Variants in CFAP54 observed in about 807,000 individuals in gnomAD.
CFAP54 encodes cilia- and flagella-associated protein 54.
In CFAP54, 290 loss-of-function variants were observed where a neutral mutation model predicts 370.4. The observed-to-expected ratio is 0.78, with a 90% CI of 0.71 to 0.86. CFAP54 has a LOEUF of 0.86. Ranked by LOEUF, CFAP54 falls within the 40% of genes least tolerant of loss-of-function variation. The pLI is 0.00. For missense variants in CFAP54, 3,399 were observed against 3,528.7 expected, an observed-to-expected ratio of 0.96 and a Z score of 0.93; for synonymous variants, 1,206 against 1,236.5, an observed-to-expected ratio of 0.98 and a Z score of 0.52.
Position 96,855,193 on chromosome 12 carries a change from C to T in CFAP54, c.9172-5626C>T, listed in dbSNP as rs574023798. On this transcript the variant is annotated intron_variant, in intron 66 of 67. Coordinates refer to ENST00000524981, the MANE Select transcript of CFAP54 (RefSeq NM_001306084.2). ...AACTGCCCCCATGATTAGATTACCT[C>T]CCACCAGGTCCCTCTCATGACACAT... is the stretch of plus-strand genomic sequence containing the variant. Among the ~76,000 whole-genome samples, 154 of 152,262 alleles carry T rather than the reference C, an allele frequency of 1.0e-3. 1 individual carries two copies. Among genetic ancestry groups the T allele is most frequent in the Non-Finnish European group, 1.8e-3 (120 of 68,016 alleles).
At chr12:96,614,062 AAAG>A (rs1956389953) in intron 26 of CFAP54, among the ~76,000 whole-genome samples, 1 of 152,218 alleles carries the variant, frequency 6.6e-6, no homozygotes. Context: ...CACAACAAAA[AAAG>A]AGAATTTTAG....
intron 66 of CFAP54, among the ~76,000 whole-genome samples, chr12:96,850,147 G>T (rs768478464): frequency 3.3e-5 from 5 of 151,224 alleles, no homozygotes; most frequent in Non-Finnish European, 5.9e-5. Context: ...GGGAGGCCGA[G>T]GCGGGCAGAT....
Position 96,784,817 on chromosome 12 carries a change from G to A in CFAP54, c.8382G>A (p.Val2794=). The A allele has an allele frequency of 6.5e-7, 1 of 1,534,516 alleles. No homozygotes were observed. The highest frequency in any genetic ancestry group is 8.7e-7 in the Non-Finnish European group (1 of 1,145,884). ...ADGRKKTQTK[V]DITWILLLRY... ...GTAGAAAAAAGACTCAGACCAAAGT[G>A]GATATTACATGGATCCTTCTACTGC... Residue 2794 remains valine, a synonymous_variant, in exon 61 of 68, where the codon GTG becomes GTA. Transcript: ENST00000524981.
At chr12:96,560,700 C>T (rs2052291) in intron 17 of CFAP54, among the ~76,000 whole-genome samples, 24,918 of 152,012 alleles carry the variant, frequency 0.16, 3,263 homozygotes, top group East Asian at 0.51. Context: ...AAAGTGCAAT[C>T]GTTTTATTAA....
At chr12:96,711,851 T>C (rs1957619081) in intron 48 of CFAP54, among the ~76,000 whole-genome samples, 1 of 152,232 alleles carries the variant, frequency 6.6e-6, no homozygotes, top group South Asian at 2.1e-4. Context: ...TTTGTAGCTG[T>C]GGTTCCTTTA....
At chr12:96,592,028 G>C (rs1956130810) in intron 23 of CFAP54, among the ~76,000 whole-genome samples, 1 of 151,724 alleles carries the variant, frequency 6.6e-6, no homozygotes, top group Non-Finnish European at 1.5e-5. Context: ...CTGAAGCCCA[G>C]CTCCTAGTGG....
chr12:96,509,843 T>C (rs1040978356), intron 4 of CFAP54, among the ~76,000 whole-genome samples: 1 of 150,616 alleles, frequency 6.6e-6, no homozygotes, highest in Non-Finnish European at 1.5e-5. Context: ...ATTGGGTATA[T>C]GGATATTAAG....
intron 17 of CFAP54, among the ~76,000 whole-genome samples, chr12:96,557,396 A>C (rs1955764869): frequency 6.6e-6 from 1 of 152,182 alleles, no homozygotes; most frequent in South Asian, 2.1e-4. Flanking sequence ...TGTAAAGCTA[A>C]ACATTAATCT....
At position 96,592,637 on chromosome 12, in the gene CFAP54, A is replaced by G; in HGVS notation, c.3360A>G (p.Gln1120=). 1 of 1,093,846 alleles carries G rather than the reference A, an allele frequency of 9.1e-7. No individual in the cohort carries two copies. Among genetic ancestry groups the G allele is most frequent in the Non-Finnish European group, 1.2e-6 (1 of 816,742 alleles). 67.8% of individuals were successfully genotyped at this position (1,093,846 alleles called of 1,614,324 possible). A position where few individuals can be genotyped will look rare whatever the true frequency, so the allele number is the denominator to read the frequency against. Residue 1120 remains glutamine, a splice_region_variant and synonymous_variant, in exon 24 of 68, where the codon CAA becomes CAG. Transcript: ENST00000524981. ...IKGNEIFPSQ[Q]IARLIECERV... ...GCAATGAGATTTTCCCATCTCAACAAGTAAGTGAATTAAAGTGACTAAAAA... is the reference window on the plus strand; with the variant it reads ...GCAATGAGATTTTCCCATCTCAACAGGTAAGTGAATTAAAGTGACTAAAAA...
In CFAP54 at chr12:96,811,806, G is replaced by A; in HGVS notation, c.8921G>A (p.Ser2974Asn). 1 of 1,521,700 alleles carries A rather than the reference G, an allele frequency of 6.6e-7. No homozygotes were observed. Among genetic ancestry groups the A allele is most frequent in the East Asian group, 2.5e-5 (1 of 40,108 alleles). 94.3% of individuals were successfully genotyped at this position (1,521,700 alleles called of 1,614,324 possible). The change falls in exon 64 of 68, where the codon AGT becomes AAT. Residue 2974 changes from serine to asparagine, a missense_variant. Ser to Asn is a conservative substitution (Grantham distance 46). Transcript: ENST00000524981. ...ISDVRHSTYN[S>N]TCVGSLWIPL... ...GATGTTAGACATTCCACTTATAACAGTACATGTGTTGGCTCTTTATGGATT... is the reference window on the plus strand; with the variant it reads ...GATGTTAGACATTCCACTTATAACAATACATGTGTTGGCTCTTTATGGATT...
chr12:96,672,914 G>A (rs1174695706), intron 39 of CFAP54, among the ~76,000 whole-genome samples: 1 of 152,116 alleles, frequency 6.6e-6, no homozygotes, highest in Admixed American at 6.6e-5. Flanking sequence ...ACTGATGATA[G>A]GTGCAATATA....
At chr12:96,786,015 T>G (rs1390307441) in intron 61 of CFAP54, among the ~76,000 whole-genome samples, 2 of 152,190 alleles carry the variant, frequency 1.3e-5, no homozygotes, top group Non-Finnish European at 2.9e-5. Flanking sequence ...TGTCACACTT[T>G]GTCCATTCCC....
chr12:96,720,147 T>C lies in CFAP54; in HGVS notation c.6805-258T>C, dbSNP rs1957731496. On this transcript the variant is annotated intron_variant, in intron 49 of 67. Transcript: ENST00000524981. ...AGAACTTTATAGAACATAACTACTG[T>C]GAATAGTAAGCACCAGCTGTGCACA... is the stretch of plus-strand genomic sequence containing the variant. Among the ~76,000 whole-genome samples, 3 of 152,332 alleles carry C rather than the reference T, an allele frequency of 2.0e-5. No homozygotes were observed. In the South Asian group the frequency reaches 6.2e-4, roughly 32 times the overall value.
intron 66 of CFAP54, among the ~76,000 whole-genome samples, chr12:96,832,510 T>C (rs1959174420): frequency 6.6e-6 from 1 of 151,996 alleles, no homozygotes. Flanking sequence ...TTAAAGTAGA[T>C]AATATATTTT....
Position 96,540,955 on chromosome 12 carries a change from G to C in CFAP54, c.2045G>C (p.Gly682Ala). The change falls in exon 14 of 68, where the codon GGA (glycine) becomes GCA (alanine). Residue 682 changes from glycine (G) to alanine (A), a missense_variant. Around this residue, in one of 3 missense-constraint regions of CFAP54, gnomAD observed 2,796 missense variants for 2,869.7 expected, o/e 0.97. Transcript: ENST00000524981. ...TTAAGTGAAATATTGGAATCTTTAG[G>C]AAGCCCAGGAAGAAAATTTAAACAA... is the stretch of plus-strand genomic sequence containing the variant. ...LRLSEILESL[G>A]SPGRKFKQSL... 1 of 1,509,398 alleles carries C rather than the reference G, an allele frequency of 6.6e-7. No individual in the cohort carries two copies. Among genetic ancestry groups the C allele is most frequent in the Non-Finnish European group, 8.8e-7 (1 of 1,137,714 alleles). 93.5% of individuals were successfully genotyped at this position (1,509,398 alleles called of 1,614,324 possible).
intron 66 of CFAP54, among the ~76,000 whole-genome samples, chr12:96,843,936 G>A (rs1022445386): frequency 3.3e-5 from 5 of 152,140 alleles, no homozygotes; most frequent in Middle Eastern, 3.2e-3. Flanking sequence ...GCATTGTAAA[G>A]GTGCAAGTAT....
rs141127695 is a variant in CFAP54 at position 96,525,837 on chromosome 12, C to T, written c.1159-1409C>T. Among the ~76,000 whole-genome samples the T allele has an allele frequency of 4.3e-3, 648 of 152,250 alleles. 6 individuals carry two copies. The highest frequency in any genetic ancestry group is 0.014 in the African/African-American group (600 of 41,536). ...TCCCAAGTAACTGGGACTACAGGCGCGCGCCACCATGCCTGGCTAATTTGT... is the reference window on the plus strand; with the variant it reads ...TCCCAAGTAACTGGGACTACAGGCGTGCGCCACCATGCCTGGCTAATTTGT... On this transcript the variant is annotated intron_variant, in intron 8 of 67. Transcript: ENST00000524981.
intron 66 of CFAP54, among the ~76,000 whole-genome samples, chr12:96,860,332 C>A (rs990117461): frequency 6.6e-6 from 1 of 152,014 alleles, no homozygotes; most frequent in Non-Finnish European, 1.5e-5. Context: ...CCACAAAAGC[C>A]GTCTTTATTT....
At chr12:96,707,651 A>G (rs1401244013) in intron 47 of CFAP54, among the ~76,000 whole-genome samples, 2 of 152,318 alleles carry the variant, frequency 1.3e-5, no homozygotes, top group Non-Finnish European at 1.5e-5. Context: ...TAGCATATTT[A>G]TGATATAGGA....
Sources: allele counts gnomAD v4.1 joint callset (sites outside exome capture counted in the v4.1 genomes callset), GRCh38; gene constraint gnomAD v4.1.1; regional missense constraint gnomAD v4.1.1; transcripts MANE v1.5; gene names NCBI Gene and HGNC (gene_info 2026-07-23, HGNC 2026-07-21).